The following PRIM2 variants were observed in gnomAD, a reference collection of about 807,000 sequenced individuals.
The protein encoded by PRIM2 is DNA primase subunit 2.
In PRIM2, 39 loss-of-function variants were observed where a neutral mutation model predicts 67.3. That is an observed-to-expected ratio of 0.58 (90% CI 0.45 to 0.76). The LOEUF (loss-of-function observed/expected upper bound fraction) is 0.76, where lower values mean the gene tolerates loss of function less well. Ranked by LOEUF, PRIM2 falls within the 30% of genes least tolerant of loss-of-function variation. PRIM2 has a pLI of 0.00. For synonymous variants in PRIM2, 143 were observed against 198.7 expected (o/e 0.72, Z 2.36); for missense variants, 398 against 598.7 (o/e 0.66, Z 3.50).
chr6:57,265,692 T>C, the PRIM2 span, among the ~76,000 whole-genome samples: 1 of 152,208 alleles, frequency 6.6e-6, no homozygotes, highest in Non-Finnish European at 1.5e-5. Flanking sequence ...TTAAACAGAA[T>C]TTTTTTATAA....
At chr6:57,272,301 TGG>T in the PRIM2 span, among the ~76,000 whole-genome samples, 2 of 152,222 alleles carry the variant, frequency 1.3e-5, no homozygotes, top group Non-Finnish European at 1.5e-5. Flanking sequence ...TTTATGAATC[TGG>T]GTGCTCCTGT....
chr6:57,607,471 C>G (rs1467869057), intron 12 of PRIM2, among the ~76,000 whole-genome samples: 1 of 152,042 alleles, frequency 6.6e-6, no homozygotes, highest in Non-Finnish European at 1.5e-5. Flanking sequence ...GTCAAGGAAC[C>G]CTTTATGGAA....
chr6:57,396,454 G>C (rs1292048944), intron 7 of PRIM2, among the ~76,000 whole-genome samples: 1 of 152,122 alleles, frequency 6.6e-6, no homozygotes, highest in Non-Finnish European at 1.5e-5. Flanking sequence ...TGATTTGTTT[G>C]ATACAAGAAT....
chr6:57,480,775 C>T (rs1773604097), intron 7 of PRIM2, among the ~76,000 whole-genome samples: 1 of 152,104 alleles, frequency 6.6e-6, no homozygotes, highest in African/African-American at 2.4e-5. Context: ...ACTACAGACG[C>T]ATGTCACCAC....
intron 10 of PRIM2, among the ~76,000 whole-genome samples, chr6:57,545,801 T>C (rs1271916898): frequency 6.6e-6 from 1 of 152,146 alleles, no homozygotes; most frequent in Non-Finnish European, 1.5e-5. Flanking sequence ...AATACAAATG[T>C]ACAGACAGAG....
intron 5 of PRIM2, among the ~76,000 whole-genome samples, chr6:57,331,510 A>C (rs929917424): frequency 2.0e-5 from 3 of 152,184 alleles, no homozygotes; most frequent in African/African-American, 7.2e-5. Flanking sequence ...AGAATTTACC[A>C]GTGAATTAAT....
intron 13 of PRIM2, among the ~76,000 whole-genome samples, chr6:57,645,321 TCACACACACACA>T (rs1189530732): frequency 0.038 from 5,023 of 132,764 alleles, 144 homozygotes; most frequent in East Asian, 0.13. Flanking sequence ...ACAATGTCAT[TCACACACACACA>T]CACACACACA....
At chr6:57,610,246 T>C (rs1338720491) in intron 12 of PRIM2, among the ~76,000 whole-genome samples, 1 of 152,064 alleles carries the variant, frequency 6.6e-6, no homozygotes, top group Non-Finnish European at 1.5e-5. Flanking sequence ...TTTTTGTATT[T>C]TTGTAGAGAT....
intron 10 of PRIM2, among the ~76,000 whole-genome samples, chr6:57,553,794 C>T (rs1368830868): frequency 6.6e-6 from 1 of 152,178 alleles, no homozygotes; most frequent in Non-Finnish European, 1.5e-5. Context: ...TTTTTGTCCT[C>T]CTTTTTTGCT....
chr6:57,258,069 C>CT, the PRIM2 span, among the ~76,000 whole-genome samples: 80 of 152,100 alleles, frequency 5.3e-4, no homozygotes, highest in African/African-American at 1.6e-3. Flanking sequence ...TTCTCTGTCT[C>CT]TTTTTTTTCC....
At chr6:57,233,241 G>A in the PRIM2 span, among the ~76,000 whole-genome samples, 7 of 152,150 alleles carry the variant, frequency 4.6e-5, no homozygotes, top group Admixed American at 4.6e-4. Flanking sequence ...GTAATGTCAA[G>A]TATTTTATGT....
intron 7 of PRIM2, among the ~76,000 whole-genome samples, chr6:57,410,805 G>C (rs12527690): frequency 0.089 from 13,580 of 151,966 alleles, 760 homozygotes; most frequent in Middle Eastern, 0.15. Context: ...TTCTTGTCTT[G>C]TTCCTGAACT....
At chr6:57,311,284 G>T (rs376439650), upstream of PRIM2, among the ~76,000 whole-genome samples, 1 of 108,370 alleles carries the variant, frequency 9.2e-6, no homozygotes, top group Non-Finnish European at 1.9e-5. Context: ...CAGACGGGGC[G>T]GCCGGGCAGA....
chr6:57,368,525 G>C (rs1297996961), intron 5 of PRIM2, among the ~76,000 whole-genome samples: 1 of 152,098 alleles, frequency 6.6e-6, no homozygotes, highest in Non-Finnish European at 1.5e-5. Context: ...CTTTACTTTT[G>C]ATGCCAGTGT....
chr6:57,583,045 T>A (rs1459627113), intron 10 of PRIM2, among the ~76,000 whole-genome samples: 2 of 149,710 alleles, frequency 1.3e-5, no homozygotes, highest in African/African-American at 4.9e-5. Context: ...GTGTTTGGTT[T>A]TTTGTCCTTG....
the PRIM2 span, among the ~76,000 whole-genome samples, chr6:57,289,825 C>G: frequency 6.6e-6 from 1 of 152,152 alleles, no homozygotes; most frequent in Non-Finnish European, 1.5e-5. Flanking sequence ...TGGAAAGGAA[C>G]AAATGGTACC....
intron 13 of PRIM2, among the ~76,000 whole-genome samples, chr6:57,638,664 C>A (rs1434130818): frequency 4.7e-5 from 7 of 148,342 alleles, no homozygotes; most frequent in Admixed American, 2.0e-4. Context: ...AAAAGAGAGA[C>A]GGGCATTACA....
At chr6:57,297,887 T>C in the PRIM2 span, among the ~76,000 whole-genome samples, 1 of 151,910 alleles carries the variant, frequency 6.6e-6, no homozygotes, top group Admixed American at 6.6e-5. Flanking sequence ...TCAAGAACTA[T>C]CCCAGACAAA....
At chr6:57,615,626 TG>T (rs1776742624) in intron 12 of PRIM2, among the ~76,000 whole-genome samples, 1 of 152,142 alleles carries the variant, frequency 6.6e-6, no homozygotes, top group African/African-American at 2.4e-5. Flanking sequence ...CTGGCCACAG[TG>T]GCTCACGCCT....
Sources: allele counts gnomAD v4.1 joint callset (sites outside exome capture counted in the v4.1 genomes callset), GRCh38; gene constraint gnomAD v4.1.1; transcripts MANE v1.5; gene names NCBI Gene and HGNC (gene_info 2026-07-23, HGNC 2026-07-21).